The following TMPRSS9 variants were observed in gnomAD, a reference collection of about 807,000 sequenced individuals.
The protein encoded by TMPRSS9 is transmembrane protease serine 9.
In TMPRSS9, 113 loss-of-function variants were observed where a neutral mutation model predicts 111.4. The ratio of observed to expected loss-of-function variants is 1.01; its 90% confidence interval spans 0.87 to 1.19. The LOEUF is 1.19. Among genes scored for constraint, TMPRSS9 ranks in the 50% most tolerant of loss-of-function variants. The probability of loss-of-function intolerance (pLI) is 0.00; values close to 1 mark genes in which losing one functional copy is unlikely to be tolerated. For synonymous variants in TMPRSS9, 805 were observed against 659.1 expected (o/e 1.22, Z -3.39); for missense variants, 1,803 against 1,513.1 (o/e 1.19, Z -3.18).
intron 14 of TMPRSS9, among the ~76,000 whole-genome samples, chr19:2,422,842 C>T (rs190663622): frequency 5.9e-5 from 9 of 152,052 alleles, no homozygotes; most frequent in African/African-American, 1.4e-4. Flanking sequence ...GAGCCGAGAT[C>T]GTGCCATTGC....
chr19:2,381,712 A>G (rs1288198346), intron 1 of TMPRSS9, among the ~76,000 whole-genome samples: 4 of 152,090 alleles, frequency 2.6e-5, no homozygotes, highest in Non-Finnish European at 4.4e-5. Flanking sequence ...CTGTTCCCAG[A>G]GGAACACGTT....
Position 2,405,469 on chromosome 19 carries a change from G to A in TMPRSS9, c.766G>A (p.Glu256Lys), listed in dbSNP as rs745643754. ...GTTTCCGTGGCAAGCCAGCCTTCGA[G>A]AGAACAAGGAGCACTTCTGTGGGGC... is the stretch of plus-strand genomic sequence containing the variant. Residue 256 changes from glutamate to lysine, a missense_variant, in exon 7 of 18, where the codon GAG becomes AAG. Glu to Lys is a moderately conservative substitution (Grantham distance 56). Transcript: ENST00000648592. The A allele has an allele frequency of 1.9e-6, 3 of 1,608,776 alleles. No individual in the cohort carries two copies. In the Admixed American group the frequency reaches 5.1e-5, roughly 27 times the overall value.
chr19:2,415,165 G>A (rs1490588748), intron 10 of TMPRSS9, among the ~76,000 whole-genome samples: 1 of 151,880 alleles, frequency 6.6e-6, no homozygotes, highest in Non-Finnish European at 1.5e-5. Flanking sequence ...GGCTGGTCTC[G>A]AACTCCTGAC....
At chr19:2,371,095 G>A (rs1970286301) in intron 1 of TMPRSS9, among the ~76,000 whole-genome samples, 1 of 152,174 alleles carries the variant, frequency 6.6e-6, no homozygotes, top group Non-Finnish European at 1.5e-5. Context: ...CCTCTGCGAA[G>A]GCTCTGAGCC....
chr19:2,398,009 G>T (rs960125283), intron 2 of TMPRSS9, among the ~76,000 whole-genome samples: 15 of 145,730 alleles, frequency 1.0e-4, no homozygotes, highest in African/African-American at 3.8e-4. Context: ...TCAGCCTCCC[G>T]AGTAGCTGGG....
At chr19:2,379,621 CTTT>C (rs1568170732) in intron 1 of TMPRSS9, among the ~76,000 whole-genome samples, 5 of 128,464 alleles carry the variant, frequency 3.9e-5, no homozygotes, top group African/African-American at 1.6e-4. Context: ...CTTTCTCTTT[CTTT>C]CTTTCTTTCT....
chr19:2,391,865 C>T (rs1234338207), intron 1 of TMPRSS9, among the ~76,000 whole-genome samples: 1 of 151,748 alleles, frequency 6.6e-6, no homozygotes, highest in African/African-American at 2.4e-5. Context: ...CCTCAGCCTC[C>T]TGGGTAGCTG....
upstream of TMPRSS9, among the ~76,000 whole-genome samples, chr19:2,385,120 G>T (rs1353132652): frequency 6.6e-6 from 1 of 150,380 alleles, no homozygotes; most frequent in Non-Finnish European, 1.5e-5. Context: ...TTGGTGAGAA[G>T]GGGTCACAGC....
intron 9 of TMPRSS9, 131 bp from the exon 11 acceptor site, chr19:2,413,569 A>G (rs956652674): frequency 9.0e-6 from 9 of 997,858 alleles, no homozygotes; most frequent in Non-Finnish European, 1.3e-5. Context: ...GATCAGCCCC[A>G]GGTGCTCTGT....
At chr19:2,363,028 G>A (rs970411269) in intron 1 of TMPRSS9, among the ~76,000 whole-genome samples, 19 of 152,148 alleles carry the variant, frequency 1.2e-4, no homozygotes, top group African/African-American at 3.4e-4. Flanking sequence ...GGGTCCCAGC[G>A]CTCAGGCTGG....
At chr19:2,367,238 C>T (rs1970254294) in intron 1 of TMPRSS9, among the ~76,000 whole-genome samples, 1 of 152,126 alleles carries the variant, frequency 6.6e-6, no homozygotes, top group South Asian at 2.1e-4. Context: ...ATTTAAAAAC[C>T]ACCACATCTA....
chr19:2,391,317 G>T (rs1970587761), intron 1 of TMPRSS9, among the ~76,000 whole-genome samples: 1 of 145,274 alleles, frequency 6.9e-6, no homozygotes, highest in African/African-American at 2.6e-5. Context: ...AAATGCTCTC[G>T]TGTGGCAAAA....
chr19:2,393,543 C>G (rs1281330000), intron 1 of TMPRSS9, among the ~76,000 whole-genome samples: 1 of 152,120 alleles, frequency 6.6e-6, no homozygotes, highest in Non-Finnish European at 1.5e-5. Context: ...TCAGTGAGAC[C>G]AAGAACCCAC....
At chr19:2,365,684 TG>T (rs1599273140) in intron 1 of TMPRSS9, among the ~76,000 whole-genome samples, 1 of 151,540 alleles carries the variant, frequency 6.6e-6, no homozygotes, top group Non-Finnish European at 1.5e-5. Flanking sequence ...AGACCGAGGC[TG>T]GGGGCATGAT....
chr19:2,419,891 G>C (rs369639727), intron 13 of TMPRSS9, among the ~76,000 whole-genome samples: 3 of 152,186 alleles, frequency 2.0e-5, no homozygotes, highest in African/African-American at 7.2e-5. Context: ...GCTGGGTGCA[G>C]TGCCTCATGC....
At chr19:2,368,846 G>A (rs1267014255) in intron 1 of TMPRSS9, among the ~76,000 whole-genome samples, 5 of 140,328 alleles carry the variant, frequency 3.6e-5, no homozygotes, top group African/African-American at 5.4e-5. Context: ...GCACAGTGGC[G>A]CAATCTCAGC....
chr19:2,424,228 G>T, exon 15 of TMPRSS9: 1 of 1,419,658 alleles, frequency 7.0e-7, no homozygotes. Flanking sequence ...CAGAGAGGTG[G>T]CTGCTGTCGG....
chr19:2,384,680 T>C (rs1289506994), intron 1 of TMPRSS9, among the ~76,000 whole-genome samples: 1 of 151,820 alleles, frequency 6.6e-6, no homozygotes, highest in Non-Finnish European at 1.5e-5. Flanking sequence ...CCAGGCGTGG[T>C]GGCGGGCGCC....
At chr19:2,414,075 G>A in intron 10 of TMPRSS9, 57 bp downstream of exon 11, 2 of 1,445,948 alleles carry the variant, frequency 1.4e-6, no homozygotes, top group Non-Finnish European at 1.8e-6. Context: ...GATTTAGGGA[G>A]AACGGATATC....
Sources: gnomAD v4.1 joint callset for allele counts (sites outside exome capture counted in the v4.1 genomes callset) on GRCh38, gnomAD v4.1.1 for gene constraint, MANE v1.5 for transcripts, NCBI Gene and HGNC (gene_info 2026-07-23, HGNC 2026-07-21) for gene names.